Variants in WDR93 observed in about 807,000 individuals in gnomAD.
WDR93 encodes WD repeat domain 93.
WDR93 carries 73 observed loss-of-function variants against 82.9 expected under a neutral mutation model. The observed-to-expected ratio is 0.88, with a 90% confidence interval of 0.73 to 1.07. The LOEUF (loss-of-function observed/expected upper bound fraction) is 1.07. WDR93 is among the 50% of genes least tolerant of loss of function. WDR93 has a pLI of 0.00. For synonymous variants in WDR93, 283 were observed against 300.1 expected (o/e 0.94, Z 0.59); for missense variants, 738 against 826.0 (o/e 0.89, Z 1.31).
At chr15:89,739,545 A>G (rs1967488726) in intron 16 of WDR93, among the ~76,000 whole-genome samples, 2 of 152,162 alleles carry the variant, frequency 1.3e-5, no homozygotes, top group African/African-American at 4.8e-5. Context: ...GCCATTCTGG[A>G]GAAATAGGTG....
At chr15:89,728,819 C>T (rs947351614) in intron 9 of WDR93, among the ~76,000 whole-genome samples, 1 of 152,168 alleles carries the variant, frequency 6.6e-6, no homozygotes, top group Non-Finnish European at 1.5e-5. Context: ...GATTCCCAGC[C>T]CCACCCAACC....
intron 16 of WDR93, among the ~76,000 whole-genome samples, chr15:89,741,583 CA>C (rs1390363985): frequency 6.6e-6 from 1 of 152,066 alleles, no homozygotes; most frequent in Non-Finnish European, 1.5e-5. Context: ...GAGTTAAGGT[CA>C]AAAATATAAA....
intron 6 of WDR93, among the ~76,000 whole-genome samples, chr15:89,715,496 A>G (rs1019726025): frequency 3.9e-5 from 6 of 152,236 alleles, no homozygotes; most frequent in Non-Finnish European, 7.4e-5. Flanking sequence ...AATATACAGA[A>G]ATATATATAT....
chr15:89,692,231 C>T (rs1034290989), intron 1 of WDR93, among the ~76,000 whole-genome samples: 1 of 152,164 alleles, frequency 6.6e-6, no homozygotes, highest in African/African-American at 2.4e-5. Flanking sequence ...CTGAGAAGGG[C>T]TCATGCAGGC....
chr15:89,690,567 C>T, upstream of WDR93: 1 of 1,549,824 alleles, frequency 6.5e-7, no homozygotes, highest in Non-Finnish European at 8.7e-7. Flanking sequence ...GCCGCTGGCA[C>T]CTGACTCACC....
chr15:89,732,904 C>T lies in WDR93; in HGVS notation c.1331-102C>T, dbSNP rs112167972. 5.9e-3 allele frequency: 6,640 copies of T among 1,121,122 alleles called. 24 individuals are homozygous for T. The highest frequency in any genetic ancestry group is 7.5e-3 in the Non-Finnish European group (5,615 of 751,896). 69.4% of individuals were successfully genotyped at this position (1,121,122 alleles called of 1,614,324 possible). ...TGCTCATTGCTTGATTTTGCCTTCA[C>T]ATCCTACAAGTCCCTCACACACTTG... On this transcript the variant is annotated intron_variant, in intron 12 of 16. Transcript: ENST00000268130.
chr15:89,703,991 A>C (rs1380154178), intron 3 of WDR93: 1 of 152,174 alleles, frequency 6.6e-6, no homozygotes, highest in Non-Finnish European at 1.5e-5. Context: ...CATTAAGGAG[A>C]GAAAATTCTG....
chr15:89,730,796 G>A (rs541128257), intron 11 of WDR93, among the ~76,000 whole-genome samples: 29 of 152,112 alleles, frequency 1.9e-4, no homozygotes, highest in Admixed American at 1.1e-3. Flanking sequence ...TGGGCCAGGA[G>A]GATCACTTGA....
Position 89,732,988 on chromosome 15 carries a change from T to C in WDR93, c.1331-18T>C, listed in dbSNP as rs1271761910. 6 of 1,613,100 alleles carry C rather than the reference T, an allele frequency of 3.7e-6. No individual in the cohort carries two copies. Among genetic ancestry groups the C allele is most frequent in the Non-Finnish European group, 5.1e-6 (6 of 1,179,190 alleles). ...CCTACCCCGTTTTCTGACCGGCTTGTGTGATTACTTTCTCTAGGATTCCCT... is the reference window on the plus strand; with the variant it reads ...CCTACCCCGTTTTCTGACCGGCTTGCGTGATTACTTTCTCTAGGATTCCCT... On this transcript the variant is annotated intron_variant, in intron 12 of 16. Transcript: ENST00000268130.
At chr15:89,732,728 G>A (rs1456423318) in intron 12 of WDR93, among the ~76,000 whole-genome samples, 1 of 152,030 alleles carries the variant, frequency 6.6e-6, no homozygotes, top group African/African-American at 2.4e-5. Context: ...TGGCTGGGTT[G>A]TAGCTTCCTT....
At chr15:89,733,515 G>C (rs1418559373) in intron 13 of WDR93, among the ~76,000 whole-genome samples, 3 of 152,148 alleles carry the variant, frequency 2.0e-5, no homozygotes, top group African/African-American at 7.2e-5. Flanking sequence ...GAGATGATTG[G>C]ATCATGAAGG....
Position 89,701,897 on chromosome 15 carries a change from G to A in WDR93, c.151G>A (p.Asp51Asn). The change falls in exon 2 of 17, where the codon GAT (aspartate) becomes AAT (asparagine). Residue 51 changes from aspartate to asparagine, a missense_variant. Coordinates refer to ENST00000268130, the MANE Select transcript of WDR93 (RefSeq NM_020212.2). ...CCTCGTGGATCCAGATGAGGAGCTG[G>A]ATTCCTTGCCTCAGCCTTATCGAAT... is the stretch of plus-strand genomic sequence containing the variant. ...HVLVDPDEEL[D>N]SLPQPYRMIN... The A allele has an allele frequency of 6.2e-7, 1 of 1,614,202 alleles. No individual in the cohort carries two copies. Among genetic ancestry groups the A allele is most frequent in the Non-Finnish European group, 8.5e-7 (1 of 1,180,030 alleles).
chr15:89,700,676 C>A (rs562288197), intron 1 of WDR93, among the ~76,000 whole-genome samples: 49 of 147,562 alleles, frequency 3.3e-4, no homozygotes, highest in Non-Finnish European at 6.0e-4. Flanking sequence ...AATTCTCCCA[C>A]CCCACCCTCC....
intron 1 of WDR93, among the ~76,000 whole-genome samples, 168 bp downstream of exon 1, chr15:89,691,025 C>T (rs1167092735): frequency 1.3e-5 from 2 of 152,126 alleles, no homozygotes; most frequent in Admixed American, 6.5e-5. Context: ...TCTCAGGAAC[C>T]CGGGGTGATA....
chr15:89,729,823 C>A, intron 11 of WDR93, 54 bp downstream of exon 11: 2 of 1,423,794 alleles, frequency 1.4e-6, no homozygotes, highest in South Asian at 1.2e-5. Flanking sequence ...CAGACATGTC[C>A]TTCTCCAGCT....
chr15:89,743,167 G>A (rs1447327332), intron 16 of WDR93, 125 bp from the exon 17 acceptor site: 8 of 866,554 alleles, frequency 9.2e-6, no homozygotes, highest in Non-Finnish European at 1.5e-5. Context: ...AGGACACAGA[G>A]GCGATGCAGG....
chr15:89,703,063 G>A lies in WDR93; in HGVS notation c.417G>A (p.Glu139=). The A allele has an allele frequency of 6.2e-7, 1 of 1,614,228 alleles. No individual in the cohort carries two copies. Among genetic ancestry groups the A allele is most frequent in the African/African-American group, 1.3e-5 (1 of 75,064 alleles). The part of the protein sequence containing the change: ...LYSAKQIYAW[E]KLKVDVTSIW... ...GTGCTAAACAAATATATGCGTGGGA[G>A]AAGCTTAAGGTTGATGTCACTTCCA... The change falls in exon 3 of 17, where the codon GAG becomes GAA. Residue 139 remains glutamate, a synonymous_variant. Coordinates refer to ENST00000268130, the MANE Select transcript of WDR93 (RefSeq NM_020212.2).
rs779834357 is a variant in WDR93 at position 89,731,575 on chromosome 15, T to C, written c.1330+13T>C. ...GACCTGGCCAAAGGTAAGTCCTCCC[T>C]GCCTCTCTACCTAGTACCTGGGTGG... On this transcript the variant is annotated intron_variant, in intron 12 of 16. Transcript: ENST00000268130. 3 of 1,613,800 alleles carry C rather than the reference T, an allele frequency of 1.9e-6. No homozygotes were observed. Among genetic ancestry groups the C allele is most frequent in the African/African-American group, 1.3e-5 (1 of 74,930 alleles).
chr15:89,727,247 G>A lies in WDR93; in HGVS notation c.971G>A (p.Ser324Asn). 1 of 1,614,178 alleles carries A rather than the reference G, an allele frequency of 6.2e-7. No individual in the cohort carries two copies. Among genetic ancestry groups the A allele is most frequent in the Non-Finnish European group, 8.5e-7 (1 of 1,180,026 alleles). Residue 324 changes from serine (S) to asparagine (N), a missense_variant, in exon 9 of 17, where the codon AGT (serine) becomes AAT (asparagine). Physicochemically the swap from Ser to Asn is conservative, Grantham distance 46. Coordinates refer to ENST00000268130, the MANE Select transcript of WDR93 (RefSeq NM_020212.2). ...GGGCAGAATCATTTCATCAAGGACAGTCAGTGGGAGCAGCAAGCTGAGATC... is the reference window on the plus strand; with the variant it reads ...GGGCAGAATCATTTCATCAAGGACAATCAGTGGGAGCAGCAAGCTGAGATC... ...GSGQNHFIKD[S>N]QWEQQAEIFN...
Sources: gnomAD v4.1 joint callset for allele counts (sites outside exome capture counted in the v4.1 genomes callset) on GRCh38, gnomAD v4.1.1 for gene constraint, MANE v1.5 for transcripts, NCBI Gene and HGNC (gene_info 2026-07-23, HGNC 2026-07-21) for gene names.